MYOCD: variants seen among roughly 807,000 people sequenced by gnomAD.
MYOCD encodes the protein myocardin.
In MYOCD, 32 loss-of-function variants were observed where a neutral mutation model predicts 96.1. The observed-to-expected ratio is 0.33, with a 90% CI of 0.25 to 0.45. The LOEUF is 0.45. MYOCD is among the 20% of genes least tolerant of loss of function. The pLI is 1.00. For missense variants in MYOCD, 1,133 were observed against 1,200.6 expected (o/e 0.94, Z 0.83); for synonymous variants, 469 against 469.0 (o/e 1.00, Z 0.00).
chr17:12,735,815 C>T (rs528125584), intron 5 of MYOCD, among the ~76,000 whole-genome samples: 1 of 152,324 alleles, frequency 6.6e-6, no homozygotes, highest in African/African-American at 2.4e-5. Context: ...ATGTTTTCCT[C>T]TGGCCTCATT....
chr17:12,766,866 G>T lies in MYOCD; in HGVS notation c.*3222G>T, dbSNP rs1485456381. ...AGTCAAAAAATTTATTCGTGCAAGT[G>T]CTTGCAGGAAGCCAGTGCTTATTAG... On this transcript the variant is annotated 3_prime_UTR_variant, in exon 14 of 14. Transcript: ENST00000425538. The T allele has an allele frequency of 6.6e-6, 1 of 152,108 alleles. No individual in the cohort carries two copies. The highest frequency in any genetic ancestry group is 1.5e-5 in the Non-Finnish European group (1 of 68,026). The allele number at this position is 152,108 out of a possible 1,614,324, so 9.4% of individuals were successfully genotyped here.
intron 1 of MYOCD, among the ~76,000 whole-genome samples, chr17:12,683,644 C>T (rs1448675308): frequency 6.6e-6 from 1 of 152,202 alleles, no homozygotes; most frequent in Non-Finnish European, 1.5e-5. Context: ...GTGGGCCTGA[C>T]AACTCCTTTT....
At chr17:12,688,911 G>A (rs779042111) in intron 1 of MYOCD, among the ~76,000 whole-genome samples, 6 of 152,064 alleles carry the variant, frequency 3.9e-5, no homozygotes, top group African/African-American at 9.7e-5. Flanking sequence ...GTGTACCCCC[G>A]GTTTAACACA....
At chr17:12,738,946 A>C (rs2032424286) in intron 6 of MYOCD, among the ~76,000 whole-genome samples, 2 of 97,654 alleles carry the variant, frequency 2.0e-5, no homozygotes. Flanking sequence ...CTGGATGATA[A>C]GTTTATATAT....
intron 11 of MYOCD, among the ~76,000 whole-genome samples, chr17:12,756,890 G>A (rs928354025): frequency 6.6e-6 from 1 of 151,968 alleles, no homozygotes; most frequent in Non-Finnish European, 1.5e-5. Flanking sequence ...ATTCTAGAGA[G>A]AAACAAATCC....
chr17:12,684,814 C>A (rs1330793488), intron 1 of MYOCD, among the ~76,000 whole-genome samples: 1 of 149,922 alleles, frequency 6.7e-6, no homozygotes, highest in Non-Finnish European at 1.5e-5. Context: ...CCACTGCACT[C>A]CAGCTGGGGA....
intron 4 of MYOCD, among the ~76,000 whole-genome samples, chr17:12,721,734 C>T (rs1355047520): frequency 6.6e-6 from 1 of 152,156 alleles, no homozygotes; most frequent in East Asian, 1.9e-4. Context: ...GAAAAGAGGG[C>T]TTTCTGAAGA....
intron 1 of MYOCD, among the ~76,000 whole-genome samples, chr17:12,696,813 A>G (rs1270014380): frequency 2.0e-5 from 3 of 152,198 alleles, no homozygotes; most frequent in African/African-American, 7.2e-5. Context: ...GTGCCCTTGC[A>G]GATATCTGTT....
At chr17:12,749,912 G>T (rs12449479) in intron 9 of MYOCD, among the ~76,000 whole-genome samples, 123,318 of 151,678 alleles carry the variant, frequency 0.81, 50,914 homozygotes, top group East Asian at 0.93. Context: ...TGCAGTGGCC[G>T]GATCTCGGCT....
At chr17:12,691,479 C>T (rs564143468) in intron 1 of MYOCD, among the ~76,000 whole-genome samples, 1 of 152,134 alleles carries the variant, frequency 6.6e-6, no homozygotes, top group Non-Finnish European at 1.5e-5. Context: ...AGTCACCCAG[C>T]TGCCTGTTGG....
At chr17:12,755,561 T>G (rs2032987891) in intron 10 of MYOCD, among the ~76,000 whole-genome samples, 1 of 152,082 alleles carries the variant, frequency 6.6e-6, no homozygotes, top group East Asian at 1.9e-4. Context: ...GCCAATATGG[T>G]GAAACCCCAT....
At chr17:12,687,353 G>A (rs1026134608) in intron 1 of MYOCD, among the ~76,000 whole-genome samples, 1 of 152,110 alleles carries the variant, frequency 6.6e-6, no homozygotes, top group Non-Finnish European at 1.5e-5. Flanking sequence ...AGACATGTGG[G>A]TTTACTCAGT....
rs1002503592 is a variant in MYOCD, at chr17:12,761,043, T to C, written c.2389+336T>C. The C allele has an allele frequency of 2.9e-5, 6 of 204,932 alleles. No homozygotes were observed. In the East Asian group the frequency reaches 6.3e-4, roughly 21 times the overall value. 12.7% of individuals were successfully genotyped at this position (204,932 alleles called of 1,614,324 possible). A position where few individuals can be genotyped will look rare whatever the true frequency, so the allele number is the denominator to read the frequency against. On this transcript the variant is annotated intron_variant, in intron 13 of 13. Coordinates refer to ENST00000425538, the MANE Select transcript of MYOCD (RefSeq NM_001146312.3). ...CTCAATGCCCCTACCTTCTCAATTA[T>C]AATAAAAGAAAAAAGCAGATAATGA... is the stretch of plus-strand genomic sequence containing the variant.
At chr17:12,728,571 C>G (rs2032068978) in intron 5 of MYOCD, among the ~76,000 whole-genome samples, 1 of 152,104 alleles carries the variant, frequency 6.6e-6, no homozygotes, top group Admixed American at 6.5e-5. Flanking sequence ...CCTCTGTCTC[C>G]CGGGTTCAAG....
rs1418988703 is a variant in MYOCD at position 12,765,588 on chromosome 17, T to A, written c.*1944T>A. 6.6e-6 allele frequency: 1 copy of A among 152,202 alleles called. No homozygotes were observed. Among genetic ancestry groups the A allele is most frequent in the Non-Finnish European group, 1.5e-5 (1 of 68,036 alleles). 9.4% of individuals were successfully genotyped at this position (152,202 alleles called of 1,614,324 possible). A position where few individuals can be genotyped will look rare whatever the true frequency, so the allele number is the denominator to read the frequency against. On this transcript the variant is annotated 3_prime_UTR_variant, in exon 14 of 14. Coordinates refer to ENST00000425538, the MANE Select transcript of MYOCD (RefSeq NM_001146312.3). Reference sequence around the variant, plus strand: ...TACATATGTGTATATTATATCTGTGTGTGCATGTATCTCCAAAAGCGGCGT... The same window carrying A: ...TACATATGTGTATATTATATCTGTGAGTGCATGTATCTCCAAAAGCGGCGT...
intron 5 of MYOCD, among the ~76,000 whole-genome samples, chr17:12,723,900 A>T (rs1288207432): frequency 6.6e-6 from 1 of 152,236 alleles, no homozygotes; most frequent in African/African-American, 2.4e-5. Context: ...AAAACTTGTC[A>T]TCAAGTTTAT....
intron 8 of MYOCD, among the ~76,000 whole-genome samples, chr17:12,745,089 G>C (rs1384320665): frequency 6.6e-6 from 1 of 152,230 alleles, no homozygotes; most frequent in Non-Finnish European, 1.5e-5. Flanking sequence ...ATGCCCTTCT[G>C]CTTTTAGAAG....
chr17:12,684,829 G>C (rs2030013282), intron 1 of MYOCD, among the ~76,000 whole-genome samples: 1 of 146,754 alleles, frequency 6.8e-6, no homozygotes, highest in African/African-American at 2.5e-5. Context: ...TGGGGAAATA[G>C]AGTGAGAATT....
At chr17:12,723,116 A>G in intron 5 of MYOCD, 108 bp downstream of exon 5, 1 of 1,058,210 alleles carries the variant, frequency 9.4e-7, no homozygotes, top group Non-Finnish European at 1.4e-6. Flanking sequence ...TCACCAGATA[A>G]GAGCCATACC....
Sources: allele counts gnomAD v4.1 joint callset (sites outside exome capture counted in the v4.1 genomes callset), GRCh38; gene constraint gnomAD v4.1.1; transcripts MANE v1.5; gene names NCBI Gene and HGNC (gene_info 2026-07-23, HGNC 2026-07-21).